The following DDX31 variants were observed in gnomAD, a reference collection of about 807,000 sequenced individuals.
DDX31 encodes DEAD-box helicase 31.
Under a neutral mutation model 91.3 loss-of-function variants are expected in DDX31, and 70 were observed. The ratio of observed to expected loss-of-function variants is 0.77; its 90% confidence interval spans 0.63 to 0.94. DDX31 has a LOEUF of 0.94. Ranked by LOEUF, DDX31 falls within the 40% of genes least tolerant of loss-of-function variation. DDX31 has a pLI of 0.00. For missense variants in DDX31, 902 were observed against 925.0 expected (o/e 0.98, Z 0.32); for synonymous variants, 362 against 350.6 (o/e 1.03, Z -0.36).
intron 19 of DDX31, among the ~76,000 whole-genome samples, chr9:132,605,242 T>C (rs1281449936): frequency 1.3e-5 from 2 of 152,180 alleles, no homozygotes; most frequent in Admixed American, 1.3e-4. Context: ...TTACAAAAAA[T>C]TTACCGAGCA....
At chr9:132,601,581 A>G (rs925508654) in intron 19 of DDX31, among the ~76,000 whole-genome samples, 2 of 152,176 alleles carry the variant, frequency 1.3e-5, no homozygotes, top group African/African-American at 4.8e-5. Context: ...CCCCTGCACT[A>G]ACAGACGTGA....
chr9:132,594,896 C>T lies in DDX31; in HGVS notation c.2211G>A (p.Gln737=). 3.7e-6 allele frequency: 6 copies of T among 1,613,946 alleles called. No homozygotes were observed. Among genetic ancestry groups the T allele is most frequent in the Non-Finnish European group, 5.1e-6 (6 of 1,180,044 alleles). Residue 737 remains glutamine (Q), a synonymous_variant, in exon 20 of 20, where the codon CAG becomes CAA. Transcript: ENST00000372159. ...LKWRKTQKGV[Q]RDSKTSQKV ...CTTTCTGGGAAGTCTTGCTGTCCCGCTGTACACCTTTTTGGGTTTTTCTCC... is the reference window on the plus strand; with the variant it reads ...CTTTCTGGGAAGTCTTGCTGTCCCGTTGTACACCTTTTTGGGTTTTTCTCC...
chr9:132,638,343 T>C (rs765245370), intron 14 of DDX31: 13 of 1,614,092 alleles, frequency 8.1e-6, no homozygotes, highest in Non-Finnish European at 1.0e-5. Context: ...TCCTTTCCTC[T>C]GGCTTAGGGT....
chr9:132,596,891 G>A (rs998245856), intron 19 of DDX31, among the ~76,000 whole-genome samples: 2 of 152,150 alleles, frequency 1.3e-5, no homozygotes, highest in Admixed American at 6.5e-5. Context: ...GTGGAGGAGG[G>A]AGAAGCCAGG....
chr9:132,668,046 T>G (rs540304503), intron 1 of DDX31, among the ~76,000 whole-genome samples: 4 of 152,170 alleles, frequency 2.6e-5, no homozygotes, highest in Non-Finnish European at 4.4e-5. Context: ...GAATCCCAAG[T>G]GTATCCTATT....
chr9:132,663,527 C>A, intron 1 of DDX31: 1 of 985,382 alleles, frequency 1.0e-6, no homozygotes, highest in South Asian at 4.7e-5. Flanking sequence ...GGAGAAGGAA[C>A]ATCCAATTCC....
At position 132,594,315 on chromosome 9, in the gene DDX31, C is replaced by G. The variant is rs1299257845; in HGVS notation, c.*551G>C. Reference sequence around the variant, plus strand: ...TGAGAACACATTCGTATTTTTTGACCCAGACCAAAAACTTTTGGTCCTTTT... The same window carrying G: ...TGAGAACACATTCGTATTTTTTGACGCAGACCAAAAACTTTTGGTCCTTTT... On this transcript the variant is annotated 3_prime_UTR_variant, in exon 20 of 20. Transcript: ENST00000372159. 6.6e-6 allele frequency: 1 copy of G among 152,596 alleles called. No individual in the cohort carries two copies. The highest frequency in any genetic ancestry group is 1.5e-5 in the Non-Finnish European group (1 of 68,340). The allele number at this position is 152,596 out of a possible 1,614,324, so 9.5% of individuals were successfully genotyped here.
chr9:132,651,858 G>GAGAT (rs1834207627), intron 7 of DDX31, among the ~76,000 whole-genome samples: 1 of 152,190 alleles, frequency 6.6e-6, no homozygotes, highest in Admixed American at 6.5e-5. Context: ...GGACTGAGCT[G>GAGAT]AGATAGGGGA....
At chr9:132,640,277 T>C (rs1032658718) in intron 14 of DDX31, among the ~76,000 whole-genome samples, 1 of 152,020 alleles carries the variant, frequency 6.6e-6, no homozygotes, top group Non-Finnish European at 1.5e-5. Flanking sequence ...GACCTAAAGA[T>C]GGTTTAGTCA....
Position 132,594,194 on chromosome 9 carries a change from C to T in DDX31, c.*672G>A, listed in dbSNP as rs970468368. ...AAAAGCCAACAGTAAATCAATTAGC[C>T]CTGAGAGAGTGAGTTTTCAGTGGAC... is the stretch of plus-strand genomic sequence containing the variant. On this transcript the variant is annotated 3_prime_UTR_variant, in exon 20 of 20. Transcript: ENST00000372159. 2 of 152,048 alleles carry T rather than the reference C, an allele frequency of 1.3e-5. No homozygotes were observed. The highest frequency in any genetic ancestry group is 6.5e-5 in the Admixed American group (1 of 15,272). The allele number at this position is 152,048 out of a possible 1,614,324, so 9.4% of individuals were successfully genotyped here. A position where few individuals can be genotyped will look rare whatever the true frequency, so the allele number is the denominator to read the frequency against.
chr9:132,619,135 G>A (rs1376742928), intron 17 of DDX31, among the ~76,000 whole-genome samples: 2 of 152,160 alleles, frequency 1.3e-5, no homozygotes, highest in Non-Finnish European at 2.9e-5. Flanking sequence ...CCTACAGATG[G>A]AAAATGTTAA....
intron 19 of DDX31, among the ~76,000 whole-genome samples, chr9:132,597,527 C>T (rs1830501291): frequency 6.6e-6 from 1 of 152,210 alleles, no homozygotes; most frequent in Non-Finnish European, 1.5e-5. Flanking sequence ...TCAAAATATG[C>T]TCCCCAGCAT....
intron 19 of DDX31, among the ~76,000 whole-genome samples, chr9:132,606,334 TGAG>T (rs1187274340): frequency 2.6e-5 from 4 of 152,336 alleles, no homozygotes; most frequent in East Asian, 1.9e-4. Flanking sequence ...GCTCTAATGA[TGAG>T]AATATTGCTT....
At chr9:132,649,935 C>T (rs1435081246) in intron 9 of DDX31, among the ~76,000 whole-genome samples, 1 of 152,170 alleles carries the variant, frequency 6.6e-6, no homozygotes, top group Non-Finnish European at 1.5e-5. Context: ...GAGTGGCATG[C>T]AGGTGGATGT....
intron 13 of DDX31, among the ~76,000 whole-genome samples, chr9:132,644,610 T>G (rs1232962088): frequency 2.6e-5 from 4 of 152,192 alleles, no homozygotes; most frequent in Non-Finnish European, 5.9e-5. Flanking sequence ...CTATAGACTC[T>G]TGTGTGTGAT....
intron 18 of DDX31, among the ~76,000 whole-genome samples, chr9:132,612,883 C>A (rs1353248906): frequency 2.0e-5 from 3 of 152,092 alleles, no homozygotes; most frequent in Admixed American, 1.3e-4. Context: ...TCCCTGATAC[C>A]AGTTTTTTGT....
intron 14 of DDX31, among the ~76,000 whole-genome samples, chr9:132,634,808 C>A (rs1416204906): frequency 6.6e-6 from 1 of 151,948 alleles, no homozygotes; most frequent in Non-Finnish European, 1.5e-5. Flanking sequence ...TGGGCTCAAG[C>A]GATCCCCCCA....
At chr9:132,638,688 G>C (rs576181514) in intron 14 of DDX31, among the ~76,000 whole-genome samples, 1 of 152,094 alleles carries the variant, frequency 6.6e-6, no homozygotes, top group African/African-American at 2.4e-5. Context: ...CAGGACTTGC[G>C]AGCTGCATGA....
At chr9:132,657,435 CTTTCTA>C (rs3029147) in intron 6 of DDX31, among the ~76,000 whole-genome samples, 18,641 of 152,016 alleles carry the variant, frequency 0.12, 2,018 homozygotes, top group African/African-American at 0.29. Context: ...CAAATGGTGA[CTTTCTA>C]TTTCTATCAT....
Sources: gnomAD v4.1 joint callset for allele counts (sites outside exome capture counted in the v4.1 genomes callset) on GRCh38, gnomAD v4.1.1 for gene constraint, MANE v1.5 for transcripts, NCBI Gene and HGNC (gene_info 2026-07-23, HGNC 2026-07-21) for gene names.